The following PLEKHA8 variants were observed in gnomAD, a reference collection of about 807,000 sequenced individuals.
The protein encoded by PLEKHA8 is pleckstrin homology domain-containing family A member 8.
In PLEKHA8, 36 loss-of-function variants were observed where a neutral mutation model predicts 68.2. That is an observed-to-expected ratio of 0.53 (90% CI 0.40 to 0.70). The LOEUF is 0.70. Ranked by LOEUF, PLEKHA8 falls within the 30% of genes least tolerant of loss-of-function variation. The pLI, the probability that PLEKHA8 is intolerant of heterozygous loss-of-function variation, is 0.00. For synonymous variants in PLEKHA8, 211 were observed against 216.1 expected (o/e 0.98, Z 0.20); for missense variants, 505 against 615.4 (o/e 0.82, Z 1.90).
At chr7:30,098,265 C>T (rs1463353221) in intron 13 of PLEKHA8, among the ~76,000 whole-genome samples, 2 of 152,228 alleles carry the variant, frequency 1.3e-5, no homozygotes, top group East Asian at 1.9e-4. Flanking sequence ...TTAGGCTACT[C>T]GGGGGTCAGG....
chr7:30,107,127 C>T (rs548078577), intron 13 of PLEKHA8, among the ~76,000 whole-genome samples: 2 of 152,160 alleles, frequency 1.3e-5, no homozygotes, highest in South Asian at 2.1e-4. Context: ...TGGGAGAAAT[C>T]GCTGTCACTA....
intron 3 of PLEKHA8, among the ~76,000 whole-genome samples, chr7:30,047,068 T>C (rs1452420737): frequency 1.3e-5 from 2 of 152,218 alleles, no homozygotes. Context: ...TGGGAAAAAG[T>C]GTTCCAGGGA....
intron 9 of PLEKHA8, among the ~76,000 whole-genome samples, chr7:30,059,307 C>T (rs1039904940): frequency 6.6e-5 from 10 of 151,898 alleles, no homozygotes; most frequent in Non-Finnish European, 1.5e-4. Context: ...TTTCATTTTC[C>T]GATTATTAAT....
intron 1 of PLEKHA8, among the ~76,000 whole-genome samples, chr7:30,040,008 G>A (rs886171545): frequency 2.0e-4 from 30 of 152,178 alleles, no homozygotes; most frequent in Admixed American, 1.0e-3. Context: ...TTAACTATGG[G>A]TTCTTTGTAG....
chr7:30,116,199 CGT>C (rs2128022016), intron 13 of PLEKHA8, among the ~76,000 whole-genome samples: 1 of 150,310 alleles, frequency 6.7e-6, no homozygotes, highest in African/African-American at 2.4e-5. Flanking sequence ...CATACATACA[CGT>C]ATACATGTAT....
chr7:30,092,154 A>C (rs926626928), downstream of PLEKHA8, among the ~76,000 whole-genome samples: 1 of 152,190 alleles, frequency 6.6e-6, no homozygotes, highest in African/African-American at 2.4e-5. Flanking sequence ...TCCTTCGTTC[A>C]TAGTGGGAGT....
At chr7:30,037,334 A>G (rs1791178414) in intron 1 of PLEKHA8, among the ~76,000 whole-genome samples, 3 of 151,198 alleles carry the variant, frequency 2.0e-5, no homozygotes, top group South Asian at 4.2e-4. Flanking sequence ...CTCTGTTTTT[A>G]TTTAAAAAAA....
intron 9 of PLEKHA8, among the ~76,000 whole-genome samples, chr7:30,058,680 A>T (rs1793193584): frequency 6.6e-6 from 1 of 152,020 alleles, no homozygotes; most frequent in African/African-American, 2.4e-5. Flanking sequence ...CAGATAATGT[A>T]AGTCTCTCAG....
intron 13 of PLEKHA8, among the ~76,000 whole-genome samples, chr7:30,113,746 TTCC>T (rs1796341275): frequency 6.6e-6 from 1 of 152,160 alleles, no homozygotes. Flanking sequence ...TTTTAACATT[TTCC>T]ATCACTTCAT....
intron 12 of PLEKHA8, among the ~76,000 whole-genome samples, chr7:30,066,382 A>C (rs1046494758): frequency 2.0e-5 from 3 of 152,170 alleles, no homozygotes; most frequent in African/African-American, 7.2e-5. Context: ...TGTGACCTGG[A>C]ATACTTCCAG....
chr7:30,129,262 G>A (rs1796833592), intron 13 of PLEKHA8: 3 of 1,612,874 alleles, frequency 1.9e-6, no homozygotes, highest in South Asian at 2.2e-5. Flanking sequence ...TTATCCTGGT[G>A]TAGGTGTAGG....
chr7:30,085,138 C>T (rs1721712153), downstream of PLEKHA8, among the ~76,000 whole-genome samples: 1 of 151,870 alleles, frequency 6.6e-6, no homozygotes, highest in Non-Finnish European at 1.5e-5. Context: ...GGGGTTTCAC[C>T]ATGTTGCCCA....
At chr7:30,114,848 G>A (rs1344117968) in intron 13 of PLEKHA8, among the ~76,000 whole-genome samples, 2 of 152,020 alleles carry the variant, frequency 1.3e-5, no homozygotes, top group Non-Finnish European at 1.5e-5. Context: ...CATGGTTCCT[G>A]GACCATCTGC....
Position 30,046,378 on chromosome 7 carries a change from T to A in PLEKHA8, c.313+13T>A. The A allele has an allele frequency of 6.4e-7, 1 of 1,565,702 alleles. No individual in the cohort carries two copies. Among genetic ancestry groups the A allele is most frequent in the Non-Finnish European group, 8.6e-7 (1 of 1,157,686 alleles). ...CAGAAGGAGAAAGGCAAGTACTGAT[T>A]GTCCTTTGCTGTGGAAACCTTGGGA... On this transcript the variant is annotated intron_variant, in intron 3 of 13. Coordinates refer to ENST00000449726, the MANE Select transcript of PLEKHA8 (RefSeq NM_001197026.2).
chr7:30,041,424 T>G lies in PLEKHA8; in HGVS notation c.41-3661T>G, dbSNP rs867440701. Among the ~76,000 whole-genome samples, 11 of 150,432 alleles carry G rather than the reference T, an allele frequency of 7.3e-5. No homozygotes were observed. The South Asian group carries it at 2.3e-3, about 32-fold the overall frequency. ...TATTATAATTTACCAGCTACATTTT[T>G]TTTTTTTTTTTTTTTGAGACAAGGT... On this transcript the variant is annotated intron_variant, in intron 1 of 13. Transcript: ENST00000449726.
chr7:30,104,367 A>G (rs558554704), intron 13 of PLEKHA8, among the ~76,000 whole-genome samples: 8 of 152,178 alleles, frequency 5.3e-5, no homozygotes, highest in Non-Finnish European at 1.5e-5. Flanking sequence ...CCAATGACCC[A>G]TCTTCTCCTA....
chr7:30,109,969 A>G (rs377374853), intron 13 of PLEKHA8, among the ~76,000 whole-genome samples: 69 of 152,236 alleles, frequency 4.5e-4, no homozygotes, highest in African/African-American at 1.6e-3. Flanking sequence ...CCAGTACAAG[A>G]TACCACATTG....
At chr7:30,046,460 G>A (rs1321771027) in intron 3 of PLEKHA8, 95 bp downstream of exon 3, 1 of 1,397,116 alleles carries the variant, frequency 7.2e-7, no homozygotes, top group East Asian at 2.4e-5. Flanking sequence ...TGACCACCTA[G>A]CCAGCTTTTT....
At chr7:30,089,069 G>A (rs1032795485), downstream of PLEKHA8, among the ~76,000 whole-genome samples, 4 of 152,138 alleles carry the variant, frequency 2.6e-5, no homozygotes, top group Non-Finnish European at 4.4e-5. Flanking sequence ...TCTCCATTCA[G>A]AATTCACTGT....
Sources: allele counts gnomAD v4.1 joint callset (sites outside exome capture counted in the v4.1 genomes callset), GRCh38; gene constraint gnomAD v4.1.1; transcripts MANE v1.5; gene names NCBI Gene and HGNC (gene_info 2026-07-23, HGNC 2026-07-21).